DMXL1: variants seen among roughly 807,000 people sequenced by gnomAD.
The protein encoded by DMXL1 is Dmx like 1.
In DMXL1, 99 loss-of-function variants were observed where a neutral mutation model predicts 319.2. The observed-to-expected ratio is 0.31, with a 90% CI of 0.26 to 0.37. DMXL1 has a LOEUF of 0.37. Among genes scored for constraint, DMXL1 ranks in the 10% least tolerant of loss-of-function variants. DMXL1 has a pLI of 1.00. For missense variants in DMXL1, 3,745 were observed against 3,595.6 expected (o/e 1.04, Z -1.06); for synonymous variants, 1,385 against 1,235.2 (o/e 1.12, Z -2.54).
chr5:119,184,572 A>G (rs757832328), intron 28 of DMXL1, among the ~76,000 whole-genome samples: 11 of 152,240 alleles, frequency 7.2e-5, no homozygotes, highest in East Asian at 1.9e-4. Context: ...TAGTAAGTCT[A>G]TCATGTGGTG....
At chr5:119,091,001 GA>G (rs1414707439) in intron 1 of DMXL1, among the ~76,000 whole-genome samples, 1 of 151,884 alleles carries the variant, frequency 6.6e-6, no homozygotes, top group Non-Finnish European at 1.5e-5. Context: ...ATTTCTGTTT[GA>G]TTTTTTAAAA....
chr5:119,143,136 G>A (rs576263716), intron 13 of DMXL1, among the ~76,000 whole-genome samples: 14 of 151,940 alleles, frequency 9.2e-5, no homozygotes, highest in Non-Finnish European at 2.1e-4. Flanking sequence ...ACTGGGCTTA[G>A]TACCTGGATG....
At chr5:119,113,273 T>A (rs764101934) in intron 5 of DMXL1, among the ~76,000 whole-genome samples, 4 of 152,184 alleles carry the variant, frequency 2.6e-5, no homozygotes, top group Non-Finnish European at 4.4e-5. Flanking sequence ...GACGGAGTCT[T>A]GCTCTGTCAC....
At chr5:119,210,583 C>G (rs1372415962) in intron 34 of DMXL1, among the ~76,000 whole-genome samples, 1 of 152,046 alleles carries the variant, frequency 6.6e-6, no homozygotes, top group Non-Finnish European at 1.5e-5. Context: ...TTTCAAAAAT[C>G]AGTTGACACA....
chr5:119,241,530 G>A (rs988192861), intron 42 of DMXL1, among the ~76,000 whole-genome samples: 3 of 127,428 alleles, frequency 2.4e-5, no homozygotes, highest in African/African-American at 6.5e-5. Flanking sequence ...GCAAGACTCC[G>A]TCTCAAAAAA....
chr5:119,124,920 G>C (rs899245948), intron 9 of DMXL1, among the ~76,000 whole-genome samples: 4 of 152,050 alleles, frequency 2.6e-5, no homozygotes, highest in African/African-American at 9.7e-5. Context: ...ACCAAAATTT[G>C]TTATAAATTA....
Position 119,221,046 on chromosome 5 carries a change from C to A in DMXL1, c.8242C>A (p.Leu2748Ile), listed in dbSNP as rs772305397. 1.2e-5 allele frequency: 20 copies of A among 1,613,594 alleles called. No individual in the cohort carries two copies. The South Asian group carries it at 2.2e-4, about 18-fold the overall frequency. The change falls in exon 37 of 44, where the codon CTT becomes ATT. Residue 2748 changes from leucine (L) to isoleucine (I), a missense_variant. Leu to Ile is a conservative substitution (Grantham distance 5). This residue lies in a region of DMXL1 where 1,382 missense variants were observed against 1,269.5 expected (regional missense o/e 1.09). Transcript: ENST00000539542. ...TGGCACTCCAATCAACATGCCATGG[C>A]TTGGTAGTACACAGACTGGCAGAGG... ...NPGTPINMPW[L>I]GSTQTGRGAS...
At position 119,177,543 on chromosome 5, in the gene DMXL1, TAGAA is replaced by T. The variant is rs536857201; in HGVS notation, c.6886+63_6886+66del. The T allele has an allele frequency of 3.3e-3, 4,596 of 1,398,732 alleles. 14 individuals are homozygous for T. The highest frequency in any genetic ancestry group is 3.6e-3 in the Non-Finnish European group (3,821 of 1,053,572). The allele number at this position is 1,398,732 out of a possible 1,614,324, so 86.6% of individuals were successfully genotyped here. ...AGTCTTATTTATAATCTTAGATAAG[TAGAA>T]AGACTTTTAGTTTTGCCACATGATA... On this transcript the variant is annotated intron_variant, in intron 27 of 43. Transcript: ENST00000539542.
At chr5:119,090,558 TG>T (rs1174857119) in intron 1 of DMXL1, among the ~76,000 whole-genome samples, 4 of 147,954 alleles carry the variant, frequency 2.7e-5, no homozygotes, top group Non-Finnish European at 4.4e-5. Context: ...TTTTCTCCTC[TG>T]TTTTTTTTTT....
intron 10 of DMXL1, among the ~76,000 whole-genome samples, chr5:119,130,541 C>T (rs1764641277): frequency 6.6e-6 from 1 of 152,084 alleles, no homozygotes. Context: ...CAGGGTTTCA[C>T]CATGTTAGTC....
chr5:119,189,831 T>C lies in DMXL1; in HGVS notation c.7259T>C (p.Val2420Ala), dbSNP rs752230981. The C allele has an allele frequency of 6.2e-7, 1 of 1,614,044 alleles. No homozygotes were observed. The highest frequency in any genetic ancestry group is 8.5e-7 in the Non-Finnish European group (1 of 1,179,954). ...CCAGTAAGCCAGGAGTCACTGGCGG[T>C]TAAAGAAAAGTTCATCCCACCTGAG... ...SAPVSQESLA[V>A]KEKFIPPELS... is the part of the protein sequence containing the mutation. Residue 2420 changes from valine (V) to alanine (A), a missense_variant, in exon 29 of 44, where the codon GTT (valine) becomes GCT (alanine). Transcript: ENST00000539542.
chr5:119,075,051 T>C (rs927178078), intron 1 of DMXL1, among the ~76,000 whole-genome samples: 5 of 152,138 alleles, frequency 3.3e-5, no homozygotes, highest in Non-Finnish European at 7.4e-5. Flanking sequence ...ATGTCAGTTT[T>C]CATAAAATTA....
intron 26 of DMXL1, among the ~76,000 whole-genome samples, chr5:119,176,626 A>G (rs751944349): frequency 5.3e-5 from 8 of 152,104 alleles, no homozygotes; most frequent in African/African-American, 1.2e-4. Flanking sequence ...AGATTTGCCA[A>G]TCATAACACA....
chr5:119,220,861 A>G, intron 36 of DMXL1, 79 bp from the exon 37 acceptor site: 1 of 1,516,084 alleles, frequency 6.6e-7, no homozygotes, highest in Middle Eastern at 2.1e-4. Context: ...GGAACTATAA[A>G]TTCAAATTTT....
intron 38 of DMXL1, among the ~76,000 whole-genome samples, chr5:119,230,197 G>A (rs1283080325): frequency 6.6e-6 from 1 of 152,118 alleles, no homozygotes; most frequent in Non-Finnish European, 1.5e-5. Flanking sequence ...TGACTAGTAA[G>A]CCTAAGTAAA....
At chr5:119,191,087 A>C (rs1778624672) in intron 29 of DMXL1, among the ~76,000 whole-genome samples, 1 of 152,230 alleles carries the variant, frequency 6.6e-6, no homozygotes, top group African/African-American at 2.4e-5. Context: ...GCTAATGGTA[A>C]GAGTTTTTAG....
intron 1 of DMXL1, among the ~76,000 whole-genome samples, chr5:119,084,918 A>G (rs1305316832): frequency 6.6e-6 from 1 of 151,974 alleles, no homozygotes; most frequent in African/African-American, 2.4e-5. Flanking sequence ...CATTTTAACA[A>G]TATTAATTCT....
intron 28 of DMXL1, among the ~76,000 whole-genome samples, chr5:119,179,205 T>C (rs2150319193): frequency 6.6e-6 from 1 of 152,116 alleles, no homozygotes; most frequent in East Asian, 1.9e-4. Context: ...TTTCCAATTA[T>C]GGAGGGCATG....
intron 38 of DMXL1, 79 bp from the exon 39 acceptor site, chr5:119,233,261 T>C: frequency 6.9e-7 from 1 of 1,439,682 alleles, no homozygotes; most frequent in Non-Finnish European, 9.5e-7. Flanking sequence ...TTCATAAAGA[T>C]TTTCACATAG....
Sources: allele counts gnomAD v4.1 joint callset (sites outside exome capture counted in the v4.1 genomes callset), GRCh38; gene constraint gnomAD v4.1.1; regional missense constraint gnomAD v4.1.1; transcripts MANE v1.5; gene names NCBI Gene and HGNC (gene_info 2026-07-23, HGNC 2026-07-21).